The following DST variants were observed in gnomAD, a reference collection of about 807,000 sequenced individuals.
DST encodes the protein bullous pemphigoid antigen.
DST carries 253 observed loss-of-function variants against 875.2 expected under a neutral mutation model. The observed-to-expected ratio is 0.29, with a 90% CI of 0.26 to 0.32. The LOEUF is 0.32. Among genes scored for constraint, DST ranks in the 10% least tolerant of loss-of-function variants. The probability of loss-of-function intolerance (pLI) is 1.00; values close to 1 mark genes in which losing one functional copy is unlikely to be tolerated. For missense variants in DST, 8,287 were observed against 9,111.6 expected (o/e 0.91, Z 3.68); for synonymous variants, 3,124 against 3,197.1 (o/e 0.98, Z 0.77).
At position 56,501,149 on chromosome 6, in the gene DST, G is replaced by A; in HGVS notation, c.19827C>T (p.Gly6609=). The A allele has an allele frequency of 1.2e-6, 2 of 1,612,726 alleles. No individual in the cohort carries two copies. The highest frequency in any genetic ancestry group is 1.7e-6 in the Non-Finnish European group (2 of 1,179,240). The change falls in exon 80 of 104, where the codon GGC becomes GGT. Residue 6609 remains glycine (G), a synonymous_variant. Coordinates refer to ENST00000680361, the MANE Select transcript of DST (RefSeq NM_001374736.1). ...ELLAWLTHTE[G]LLSEQKPVGG... is the part of the protein sequence containing the mutation. ...CAACAGGTTTCTGCTCACTTAGCAA[G>A]CCCTCGGTGTGTGTCAGCCATGCCA...
chr6:56,747,079 G>C (rs548043794), intron 4 of DST, among the ~76,000 whole-genome samples: 1 of 152,184 alleles, frequency 6.6e-6, no homozygotes, highest in Non-Finnish European at 1.5e-5. Context: ...TCTGAAAGGA[G>C]AATCAGTTAC....
At chr6:56,862,639 G>C (rs535120880) in intron 3 of DST, among the ~76,000 whole-genome samples, 1 of 152,224 alleles carries the variant, frequency 6.6e-6, no homozygotes, top group African/African-American at 2.4e-5. Context: ...GTGACTCATG[G>C]ACTGAAGAGG....
chr6:56,698,127 T>A (rs575203289), intron 9 of DST, among the ~76,000 whole-genome samples: 1 of 152,204 alleles, frequency 6.6e-6, no homozygotes, highest in South Asian at 2.1e-4. Context: ...CACCTTTTCC[T>A]TTGATTACCT....
intron 2 of DST, among the ~76,000 whole-genome samples, chr6:56,920,492 GAA>G (rs547855634): frequency 1.4e-3 from 212 of 152,208 alleles, no homozygotes; most frequent in African/African-American, 4.9e-3. Flanking sequence ...ATTACAAAAA[GAA>G]AAGAATAATT....
chr6:56,510,441 T>C (rs147524015), intron 73 of DST, among the ~76,000 whole-genome samples: 393 of 152,316 alleles, frequency 2.6e-3, no homozygotes, highest in African/African-American at 9.0e-3. Flanking sequence ...TCCCCAATGT[T>C]GTAACTTCTG....
chr6:56,804,929 T>G (rs569856003), intron 4 of DST, among the ~76,000 whole-genome samples: 1 of 152,254 alleles, frequency 6.6e-6, no homozygotes, highest in East Asian at 1.9e-4. Context: ...AATTTTTCAT[T>G]AAATTTCATT....
intron 39 of DST, 104 bp downstream of exon 39, chr6:56,610,323 T>C (rs977854907): frequency 4.6e-6 from 4 of 878,162 alleles, no homozygotes; most frequent in Admixed American, 7.1e-5. Flanking sequence ...TTTAACTACG[T>C]ACAAAATTCA....
In DST at chr6:56,458,201, A is replaced by C. The variant is rs1179687958; in HGVS notation, c.*804T>G. The C allele has an allele frequency of 6.6e-6, 1 of 152,624 alleles. No homozygotes were observed. The highest frequency in any genetic ancestry group is 2.4e-5 in the African/African-American group (1 of 41,454). 9.5% of individuals were successfully genotyped at this position (152,624 alleles called of 1,614,324 possible). ...GATATTGCTCATAAAAAAATACACT[A>C]GTTTTCCCTGGGGAAAAAAAATTAA... On this transcript the variant is annotated 3_prime_UTR_variant, in exon 104 of 104. Transcript: ENST00000680361.
At chr6:56,515,858 GCCT>G (rs770634554) in intron 71 of DST, among the ~76,000 whole-genome samples, 190 bp from the exon 72 acceptor site, 21 of 152,046 alleles carry the variant, frequency 1.4e-4, no homozygotes, top group East Asian at 7.7e-4. Flanking sequence ...AAATTAAAGT[GCCT>G]CAAGTTTTTA....
chr6:56,710,594 T>C (rs145094893), intron 5 of DST, among the ~76,000 whole-genome samples: 13 of 152,200 alleles, frequency 8.5e-5, no homozygotes, highest in Admixed American at 5.2e-4. Context: ...CTTGAAAAAA[T>C]AGAGGTAACA....
chr6:56,916,778 T>TCTCTCTCTCTCTCACACACACACA, intron 2 of DST, among the ~76,000 whole-genome samples: 1 of 91,344 alleles, frequency 1.1e-5, no homozygotes, highest in Non-Finnish European at 2.0e-5. Flanking sequence ...TCTCTCTCTC[T>TCTCTCTCTCTCTCACACACACACA]CACACACACA....
intron 4 of DST, among the ~76,000 whole-genome samples, chr6:56,829,210 AAAAG>A (rs2099784269): frequency 6.6e-6 from 1 of 152,240 alleles, no homozygotes; most frequent in Admixed American, 6.5e-5. Context: ...AGCCAAACAC[AAAAG>A]AAATACTGAC....
At chr6:56,711,677 C>G (rs1263688259) in intron 5 of DST, among the ~76,000 whole-genome samples, 3 of 152,184 alleles carry the variant, frequency 2.0e-5, no homozygotes, top group Non-Finnish European at 4.4e-5. Context: ...GTATTCTTGA[C>G]AAACTCCACA....
chr6:56,648,642 G>A lies in DST; in HGVS notation c.1482C>T (p.Leu494=). The part of the protein sequence containing the change: ...WIEYQNMVNY[L]IQWIRHHVTT... ...TCACATGGTGTCTAATCCATTGGAT[G>A]AGGTAGTTCACCATATTCTGGTATT... The change falls in exon 13 of 104, where the codon CTC becomes CTT. Residue 494 remains leucine, a synonymous_variant. Transcript: ENST00000680361. 6.3e-7 allele frequency: 1 copy of A among 1,586,336 alleles called. No homozygotes were observed. Among genetic ancestry groups the A allele is most frequent in the Non-Finnish European group, 8.6e-7 (1 of 1,163,002 alleles).
chr6:56,529,644 A>G lies in DST; in HGVS notation c.17399T>C (p.Val5800Ala), dbSNP rs1047991401. ...MVQSKLDFSQ[V>A]WYIEIQEKSH... ...TTTCTCTTGAATCTCAATGTACCAT[A>G]CTTGAGAGAAGTCTAATTTACTCTG... The change falls in exon 66 of 104, where the codon GTA becomes GCA. Residue 5800 changes from valine to alanine, a missense_variant. Val to Ala is a moderately conservative substitution (Grantham distance 64). Around this residue, in one of 10 missense-constraint regions of DST, gnomAD observed 777 missense variants for 764.8 expected, o/e 1.02. Transcript: ENST00000680361. 1.9e-6 allele frequency: 3 copies of G among 1,613,626 alleles called. No homozygotes were observed. The highest frequency in any genetic ancestry group is 2.5e-6 in the Non-Finnish European group (3 of 1,179,746).
At chr6:56,625,474 A>G (rs2098724708) in intron 34 of DST, among the ~76,000 whole-genome samples, 1 of 152,158 alleles carries the variant, frequency 6.6e-6, no homozygotes, top group East Asian at 1.9e-4. Context: ...TCAAAGACAG[A>G]CCGTATACAT....
intron 4 of DST, among the ~76,000 whole-genome samples, chr6:56,761,900 C>T (rs777160187): frequency 1.3e-5 from 2 of 152,200 alleles, no homozygotes; most frequent in African/African-American, 2.4e-5. Context: ...GCTTTCACTA[C>T]ACATTAGTGG....
chr6:56,949,769 G>A (rs1008701907), intron 2 of DST, among the ~76,000 whole-genome samples: 2 of 152,128 alleles, frequency 1.3e-5, no homozygotes, highest in Admixed American at 1.3e-4. Context: ...AATTATAAAG[G>A]ATTTCTCAAT....
chr6:56,520,790 G>C (rs910847953), intron 69 of DST, among the ~76,000 whole-genome samples: 1 of 151,946 alleles, frequency 6.6e-6, no homozygotes, highest in Admixed American at 6.6e-5. Context: ...TCACCTATCA[G>C]TTCCTATTTG....
Sources: gnomAD v4.1 joint callset for allele counts (sites outside exome capture counted in the v4.1 genomes callset) on GRCh38, gnomAD v4.1.1 for gene constraint, gnomAD v4.1.1 regional missense constraint, MANE v1.5 for transcripts, NCBI Gene and HGNC (gene_info 2026-07-23, HGNC 2026-07-21) for gene names.